The following TBC1D5 variants were observed in gnomAD, a reference collection of about 807,000 sequenced individuals.
The protein encoded by TBC1D5 is TBC1 domain family member 5, also known as TBC1 domain family, member 5.
A neutral mutation model predicts 100.3 loss-of-function variants in TBC1D5; 75 were observed. That is an observed-to-expected ratio of 0.75 (90% CI 0.62 to 0.91). TBC1D5 has a LOEUF of 0.91. TBC1D5 is among the 40% of genes least tolerant of loss of function. TBC1D5 has a pLI of 0.00. For missense variants in TBC1D5, 910 were observed against 942.4 expected, an observed-to-expected ratio of 0.97 and a Z score of 0.45; for synonymous variants, 323 against 325.6, an observed-to-expected ratio of 0.99 and a Z score of 0.09.
chr3:17,296,956 C>T (rs1052351820), intron 14 of TBC1D5, among the ~76,000 whole-genome samples: 2 of 152,214 alleles, frequency 1.3e-5, no homozygotes, highest in Admixed American at 6.5e-5. Flanking sequence ...CCACTTAATA[C>T]ACTTTAAACA....
intron 3 of TBC1D5, among the ~76,000 whole-genome samples, chr3:17,439,869 G>T (rs1040885696): frequency 2.0e-5 from 3 of 152,230 alleles, no homozygotes; most frequent in African/African-American, 7.2e-5. Flanking sequence ...ATCATTCAAA[G>T]TAGTTATCAC....
intron 13 of TBC1D5, among the ~76,000 whole-genome samples, chr3:17,358,438 G>A (rs533789063): frequency 1.7e-4 from 26 of 152,112 alleles, no homozygotes; most frequent in Admixed American, 3.3e-4. Flanking sequence ...CTCCCACCTC[G>A]GCCTCCCAAA....
chr3:17,201,405 C>T (rs1462958471), intron 18 of TBC1D5, among the ~76,000 whole-genome samples: 1 of 152,130 alleles, frequency 6.6e-6, no homozygotes, highest in Non-Finnish European at 1.5e-5. Context: ...GCAATACTTC[C>T]AGGTGTATTA....
At chr3:17,313,665 A>G (rs892899140) in intron 13 of TBC1D5, among the ~76,000 whole-genome samples, 13 of 152,160 alleles carry the variant, frequency 8.5e-5, no homozygotes, top group Admixed American at 5.9e-4. Flanking sequence ...TAAATCTCCT[A>G]ATACATTTAT....
At chr3:17,238,297 C>T in exon 17 of TBC1D5, 1 of 1,613,994 alleles carries the variant, frequency 6.2e-7, no homozygotes, top group Admixed American at 1.7e-5. Flanking sequence ...ACTGCTGTTG[C>T]CTCCAGGTAC....
intron 14 of TBC1D5, among the ~76,000 whole-genome samples, chr3:17,304,969 C>T (rs942531606): frequency 6.6e-6 from 1 of 151,992 alleles, no homozygotes; most frequent in Non-Finnish European, 1.5e-5. Context: ...AAAAGTAATG[C>T]ATATATTAAA....
At chr3:17,433,323 T>A (rs2094477592) in intron 3 of TBC1D5, among the ~76,000 whole-genome samples, 1 of 152,084 alleles carries the variant, frequency 6.6e-6, no homozygotes, top group South Asian at 2.1e-4. Flanking sequence ...TGAGACTGGG[T>A]AATTTAAAAA....
At chr3:17,250,107 T>C (rs1041031141) in intron 16 of TBC1D5, among the ~76,000 whole-genome samples, 1 of 152,228 alleles carries the variant, frequency 6.6e-6, no homozygotes, top group African/African-American at 2.4e-5. Flanking sequence ...CTTGTAATAA[T>C]ACACAGTTAC....
intron 1 of TBC1D5, among the ~76,000 whole-genome samples, chr3:17,671,810 A>C (rs1189546835): frequency 6.6e-6 from 1 of 152,230 alleles, no homozygotes; most frequent in Non-Finnish European, 1.5e-5. Flanking sequence ...TCATTAAATC[A>C]GCATCTATGA....
intron 13 of TBC1D5, among the ~76,000 whole-genome samples, chr3:17,352,915 A>G (rs2090801600): frequency 6.6e-6 from 1 of 152,072 alleles, no homozygotes; most frequent in African/African-American, 2.4e-5. Flanking sequence ...CAATATATCA[A>G]ACTGTCTGTT....
intron 15 of TBC1D5, among the ~76,000 whole-genome samples, chr3:17,274,339 T>C (rs942860639): frequency 2.0e-5 from 3 of 152,212 alleles, no homozygotes; most frequent in African/African-American, 7.2e-5. Context: ...TTCCAAATAC[T>C]GTTTCCTATG....
exon 22 of TBC1D5, chr3:17,161,022 G>A: frequency 1.9e-6 from 3 of 1,614,226 alleles, no homozygotes; most frequent in South Asian, 1.1e-5. Flanking sequence ...TCGTCATCAG[G>A]ACTGGAGCTG....
chr3:17,714,612 G>C (rs534483330), intron 1 of TBC1D5, among the ~76,000 whole-genome samples: 64 of 152,304 alleles, frequency 4.2e-4, no homozygotes, highest in African/African-American at 1.4e-3. Flanking sequence ...ACAAGGTAAA[G>C]AACAGAGAAT....
chr3:17,476,031 TAG>T (rs2095434251), intron 3 of TBC1D5, among the ~76,000 whole-genome samples: 3 of 152,054 alleles, frequency 2.0e-5, no homozygotes, highest in Non-Finnish European at 2.9e-5. Context: ...CTACAAAATA[TAG>T]GCCTTTTTCA....
At chr3:17,579,466 T>A (rs946501385) in intron 2 of TBC1D5, among the ~76,000 whole-genome samples, 1 of 152,106 alleles carries the variant, frequency 6.6e-6, no homozygotes, top group Non-Finnish European at 1.5e-5. Flanking sequence ...CTACCAGAAC[T>A]GCAAGGAAAA....
At chr3:17,573,673 A>G (rs554211434) in intron 2 of TBC1D5, among the ~76,000 whole-genome samples, 81 of 152,158 alleles carry the variant, frequency 5.3e-4, no homozygotes, top group Middle Eastern at 3.4e-3. Context: ...CACCCCAGGC[A>G]GTATTTCCCT....
intron 1 of TBC1D5, among the ~76,000 whole-genome samples, chr3:17,724,588 G>A (rs949532751): frequency 2.0e-5 from 3 of 152,092 alleles, no homozygotes; most frequent in Non-Finnish European, 2.9e-5. Flanking sequence ...GTCTCTAGAA[G>A]CATATTTTCT....
chr3:17,500,863 C>G (rs901197308), intron 3 of TBC1D5, among the ~76,000 whole-genome samples: 4 of 149,450 alleles, frequency 2.7e-5, no homozygotes, highest in African/African-American at 7.6e-5. Context: ...TAGAGGATGA[C>G]TCACAGATTT....
At chr3:17,365,496 A>G (rs969977352) in intron 13 of TBC1D5, among the ~76,000 whole-genome samples, 1 of 152,206 alleles carries the variant, frequency 6.6e-6, no homozygotes, top group African/African-American at 2.4e-5. Context: ...TCTGACTTAA[A>G]TAAGGCCAGA....
Sources: gnomAD v4.1 joint callset for allele counts (sites outside exome capture counted in the v4.1 genomes callset) on GRCh38, gnomAD v4.1.1 for gene constraint, MANE v1.5 for transcripts, NCBI Gene and HGNC (gene_info 2026-07-23, HGNC 2026-07-21) for gene names.